PDGFD: variants seen among roughly 807,000 people sequenced by gnomAD.
PDGFD encodes the protein platelet-derived growth factor D.
In PDGFD, 30 loss-of-function variants were observed where a neutral mutation model predicts 44.7. The observed-to-expected ratio is 0.67, with a 90% confidence interval of 0.50 to 0.91. PDGFD has a LOEUF of 0.91. PDGFD is among the 40% of genes least tolerant of loss of function. The probability of loss-of-function intolerance (pLI) is 0.00; values close to 1 mark genes in which losing one functional copy is unlikely to be tolerated. For synonymous variants in PDGFD, 173 were observed against 168.4 expected, an observed-to-expected ratio of 1.03 and a Z score of -0.21; for missense variants, 445 against 457.8, an observed-to-expected ratio of 0.97 and a Z score of 0.25.
At chr11:104,156,282 G>T (rs755367068) in intron 1 of PDGFD, among the ~76,000 whole-genome samples, 1 of 152,142 alleles carries the variant, frequency 6.6e-6, no homozygotes, top group Non-Finnish European at 1.5e-5. Flanking sequence ...GTGAGCACAG[G>T]AGGTTGAAGC....
intron 1 of PDGFD, among the ~76,000 whole-genome samples, chr11:104,146,764 A>G (rs1044574785): frequency 6.6e-6 from 1 of 152,104 alleles, no homozygotes; most frequent in Non-Finnish European, 1.5e-5. Context: ...GCTGGAGTTC[A>G]TTCAATCATT....
intron 3 of PDGFD, among the ~76,000 whole-genome samples, chr11:103,971,750 T>C (rs1360717145): frequency 6.6e-6 from 1 of 152,214 alleles, no homozygotes; most frequent in Non-Finnish European, 1.5e-5. Flanking sequence ...TAATAAGTTC[T>C]CCCACTGTAA....
At position 104,136,647 on chromosome 11, in the gene PDGFD, T is replaced by C. The variant is rs541020675; in HGVS notation, c.124+27157A>G. ...AACATTTTATAAATTACAACATCAA[T>C]GAAGTGTGAATGAGATTTAGCTTGG... On this transcript the variant is annotated intron_variant, in intron 1 of 6. Transcript: ENST00000393158. 6.6e-4 allele frequency among the ~76,000 whole-genome samples: 100 copies of C among 152,294 alleles called. 1 individual carries two copies. Among genetic ancestry groups the C allele is most frequent in the Admixed American group, 3.0e-3 (46 of 15,294 alleles).
chr11:103,944,163 T>C (rs1858635012), intron 4 of PDGFD, among the ~76,000 whole-genome samples: 1 of 152,196 alleles, frequency 6.6e-6, no homozygotes, highest in Non-Finnish European at 1.5e-5. Flanking sequence ...TTTCATAAAA[T>C]TTAGCACTTT....
At chr11:103,932,404 G>A (rs192181663) in intron 5 of PDGFD, among the ~76,000 whole-genome samples, 48 of 152,270 alleles carry the variant, frequency 3.2e-4, no homozygotes, top group Non-Finnish European at 4.4e-4. Flanking sequence ...GCTTAGCTAC[G>A]AAGTTCAGTA....
chr11:103,922,281 G>A (rs537488993), intron 6 of PDGFD, among the ~76,000 whole-genome samples: 6 of 152,250 alleles, frequency 3.9e-5, no homozygotes, highest in South Asian at 4.2e-4. Flanking sequence ...TACACAATAC[G>A]TTTTTCTGGA....
chr11:103,945,199 G>A (rs948409678), intron 4 of PDGFD, among the ~76,000 whole-genome samples: 6 of 152,064 alleles, frequency 3.9e-5, no homozygotes, highest in African/African-American at 1.4e-4. Flanking sequence ...TCATATTGTT[G>A]ATATTATATA....
intron 1 of PDGFD, among the ~76,000 whole-genome samples, chr11:104,141,299 G>C (rs771326984): frequency 2.0e-5 from 3 of 152,150 alleles, no homozygotes; most frequent in Admixed American, 1.3e-4. Context: ...TCTAGAACTT[G>C]TGAACATATC....
intron 1 of PDGFD, among the ~76,000 whole-genome samples, chr11:104,097,448 T>C (rs898785238): frequency 2.0e-5 from 3 of 152,144 alleles, no homozygotes; most frequent in African/African-American, 7.2e-5. Flanking sequence ...TTAAAGTTCA[T>C]CTGAGACAAG....
intron 6 of PDGFD, among the ~76,000 whole-genome samples, chr11:103,919,445 G>C (rs1313092883): frequency 6.7e-6 from 1 of 149,838 alleles, no homozygotes; most frequent in Non-Finnish European, 1.5e-5. Context: ...ACACAAGTAC[G>C]TATTTCAGGA....
rs777624861 is a variant in PDGFD at position 103,975,607 on chromosome 11, G to C, written c.510+20458C>G. Among the ~76,000 whole-genome samples, 14 of 151,874 alleles carry C rather than the reference G, an allele frequency of 9.2e-5. No homozygotes were observed. In the Middle Eastern group the frequency reaches 0.01, roughly 111 times the overall value. ...ATGGTATTGCCTAGGTTTTCTTCTA[G>C]GTTTTAGGTTTTAGGTTTTAGGTTT... On this transcript the variant is annotated intron_variant, in intron 3 of 6. Transcript: ENST00000393158.
At chr11:104,060,391 C>T (rs1309046865) in intron 1 of PDGFD, among the ~76,000 whole-genome samples, 1 of 152,088 alleles carries the variant, frequency 6.6e-6, no homozygotes, top group South Asian at 2.1e-4. Flanking sequence ...GGCCCAGAGG[C>T]CTGGAGGAGT....
intron 3 of PDGFD, among the ~76,000 whole-genome samples, chr11:103,968,978 C>G (rs1255264132): frequency 6.6e-6 from 1 of 152,210 alleles, no homozygotes; most frequent in Non-Finnish European, 1.5e-5. Context: ...TCTCCCAACT[C>G]TTTCCCATTT....
chr11:103,916,202 G>T (rs901585044), intron 6 of PDGFD, among the ~76,000 whole-genome samples: 7 of 151,980 alleles, frequency 4.6e-5, no homozygotes, highest in Non-Finnish European at 1.0e-4. Context: ...ATCTGACAAA[G>T]GCTAATATCC....
intron 3 of PDGFD, among the ~76,000 whole-genome samples, chr11:103,948,227 T>C (rs542101365): frequency 1.3e-5 from 2 of 152,318 alleles, no homozygotes; most frequent in African/African-American, 4.8e-5. Flanking sequence ...TCCAAAATAT[T>C]GGTGATCTTT....
intron 1 of PDGFD, among the ~76,000 whole-genome samples, chr11:104,146,290 G>T (rs1487339971): frequency 6.6e-6 from 1 of 152,112 alleles, no homozygotes; most frequent in African/African-American, 2.4e-5. Flanking sequence ...CACACCTTTG[G>T]AATATATATA....
intron 1 of PDGFD, among the ~76,000 whole-genome samples, chr11:104,094,352 C>T (rs1861252757): frequency 6.6e-6 from 1 of 152,018 alleles, no homozygotes; most frequent in African/African-American, 2.4e-5. Flanking sequence ...CTCTTCTTTC[C>T]TCTTTGCATA....
In PDGFD at chr11:103,938,317, T is replaced by C. The variant is rs924551858; in HGVS notation, c.772+5135A>G. ...CTCTGATGGCCAGTGATGATGAGTA[T>C]TTTTTCATGTGTTTTTTGGCTGCAT... On this transcript the variant is annotated intron_variant, in intron 5 of 6. Transcript: ENST00000393158. Among the ~76,000 whole-genome samples, 40 of 152,372 alleles carry C rather than the reference T, an allele frequency of 2.6e-4. 1 individual carries two copies. The highest frequency in any genetic ancestry group is 2.2e-3 in the Admixed American group (34 of 15,308).
At chr11:103,999,327 C>A (rs1293074134) in intron 2 of PDGFD, among the ~76,000 whole-genome samples, 8 of 152,028 alleles carry the variant, frequency 5.3e-5, no homozygotes, top group African/African-American at 1.9e-4. Flanking sequence ...AAAAAAAAAT[C>A]TTCCTCAAGT....
Sources: gnomAD v4.1 joint callset for allele counts (sites outside exome capture counted in the v4.1 genomes callset) on GRCh38, gnomAD v4.1.1 for gene constraint, MANE v1.5 for transcripts, NCBI Gene and HGNC (gene_info 2026-07-23, HGNC 2026-07-21) for gene names.